Variants in OXR1 observed in about 807,000 individuals in gnomAD.
OXR1 encodes the protein oxidation resistance 1.
A neutral mutation model predicts 104.6 loss-of-function variants in OXR1; 41 were observed. That is an observed-to-expected ratio of 0.39 (90% CI 0.31 to 0.51). The LOEUF (loss-of-function observed/expected upper bound fraction) is 0.51, where lower values mean the gene tolerates loss of function less well. Among genes scored for constraint, OXR1 ranks in the 20% least tolerant of loss-of-function variants. The pLI is 0.77. For synonymous variants in OXR1, 348 were observed against 348.4 expected (o/e 1.00, Z 0.01); for missense variants, 955 against 1,031.9 (o/e 0.93, Z 1.02).
intron 2 of OXR1, among the ~76,000 whole-genome samples, chr8:106,513,939 G>T (rs942097004): frequency 1.3e-5 from 2 of 152,038 alleles, no homozygotes; most frequent in South Asian, 4.1e-4. Context: ...ATGTGCAGAG[G>T]AATAAGATTG....
intron 2 of OXR1, among the ~76,000 whole-genome samples, chr8:106,474,286 T>C (rs1821685590): frequency 6.6e-6 from 1 of 151,754 alleles, no homozygotes; most frequent in Non-Finnish European, 1.5e-5. Flanking sequence ...GGAGGGTTTA[T>C]GGTAATCTAA....
intron 1 of OXR1, among the ~76,000 whole-genome samples, chr8:106,294,412 AAAAG>A (rs1554619229): frequency 3.0e-5 from 4 of 131,472 alleles, no homozygotes; most frequent in East Asian, 4.9e-4. Flanking sequence ...AAAAAAAAAA[AAAAG>A]AAAGAAAGAA....
At chr8:106,661,683 A>G (rs1196239885) in intron 3 of OXR1, among the ~76,000 whole-genome samples, 1 of 152,212 alleles carries the variant, frequency 6.6e-6, no homozygotes, top group African/African-American at 2.4e-5. Flanking sequence ...CTATTATATC[A>G]ACCTCATTTT....
chr8:106,626,013 CAAG>C lies in OXR1; in HGVS notation c.221-53193_221-53191del, dbSNP rs144155228. ...TTTAGAATTAAAAAATATTTTCTAT[CAAG>C]AAGTACTATTGTGCTCTGTTCTGCG... On this transcript the variant is annotated intron_variant, in intron 3 of 16. Transcript: ENST00000517566. Among the ~76,000 whole-genome samples the C allele has an allele frequency of 7.3e-3, 1,098 of 150,286 alleles. 9 individuals carry two copies. The highest frequency in any genetic ancestry group is 9.0e-3 in the Non-Finnish European group (612 of 67,698).
chr8:106,448,030 A>C (rs756908670), intron 2 of OXR1: 2 of 1,535,854 alleles, frequency 1.3e-6, no homozygotes, highest in South Asian at 2.4e-5. Flanking sequence ...GAAATGACGA[A>C]GGACAAAAAC....
At chr8:106,302,302 G>A (rs984030516) in intron 1 of OXR1, among the ~76,000 whole-genome samples, 2 of 152,136 alleles carry the variant, frequency 1.3e-5, no homozygotes, top group African/African-American at 4.8e-5. Context: ...TCAATAATCA[G>A]CCGAGCGCGG....
intron 2 of OXR1, among the ~76,000 whole-genome samples, chr8:106,437,535 C>A (rs1435149926): frequency 6.6e-6 from 1 of 152,038 alleles, no homozygotes; most frequent in Non-Finnish European, 1.5e-5. Flanking sequence ...CAGTACTCTC[C>A]CCTTGGGAGA....
At chr8:106,459,386 G>A (rs1439806108) in intron 2 of OXR1, among the ~76,000 whole-genome samples, 4 of 151,926 alleles carry the variant, frequency 2.6e-5, no homozygotes, top group African/African-American at 9.7e-5. Flanking sequence ...TAAGATGCTG[G>A]CACTGTGATT....
At chr8:106,539,400 G>T (rs888262920) in intron 3 of OXR1, among the ~76,000 whole-genome samples, 1 of 152,158 alleles carries the variant, frequency 6.6e-6, no homozygotes, top group African/African-American at 2.4e-5. Flanking sequence ...TTGTGCTGGG[G>T]AATTGTGTGT....
intron 2 of OXR1, among the ~76,000 whole-genome samples, chr8:106,457,806 G>T (rs1200524634): frequency 6.6e-6 from 1 of 152,146 alleles, no homozygotes; most frequent in Admixed American, 6.5e-5. Context: ...TTACAAAATG[G>T]CAAAGAAGTT....
At chr8:106,591,372 C>T (rs1031278384) in intron 3 of OXR1, among the ~76,000 whole-genome samples, 3 of 146,880 alleles carry the variant, frequency 2.0e-5, no homozygotes, top group Non-Finnish European at 4.5e-5. Flanking sequence ...TGCAGCACAC[C>T]AACATGGCAC....
intron 1 of OXR1, among the ~76,000 whole-genome samples, chr8:106,308,864 T>A (rs1007517662): frequency 6.6e-6 from 1 of 152,214 alleles, no homozygotes; most frequent in Non-Finnish European, 1.5e-5. Context: ...ATTTTATAAA[T>A]TGTTGGCAAA....
chr8:106,288,528 GTA>G (rs1360945254), intron 1 of OXR1, among the ~76,000 whole-genome samples: 4 of 89,094 alleles, frequency 4.5e-5, no homozygotes, highest in Non-Finnish European at 8.0e-5. Context: ...ATATATATAT[GTA>G]TGTGTGTGTG....
intron 9 of OXR1, among the ~76,000 whole-genome samples, chr8:106,709,961 T>C (rs1264332019): frequency 6.6e-6 from 1 of 152,114 alleles, no homozygotes; most frequent in African/African-American, 2.4e-5. Context: ...GTCTCCTGAC[T>C]ATAAGTGCTA....
chr8:106,594,059 A>G (rs1415185808), intron 3 of OXR1, among the ~76,000 whole-genome samples: 2 of 152,258 alleles, frequency 1.3e-5, no homozygotes, highest in African/African-American at 2.4e-5. Flanking sequence ...GCAGTGCACC[A>G]CAGTCTATGA....
At chr8:106,693,180 G>A (rs977058927) in intron 7 of OXR1, among the ~76,000 whole-genome samples, 2 of 152,110 alleles carry the variant, frequency 1.3e-5, no homozygotes, top group South Asian at 4.1e-4. Flanking sequence ...ACTGTGTGGA[G>A]TGTGAACTTC....
chr8:106,424,401 A>C (rs949069243), intron 2 of OXR1, among the ~76,000 whole-genome samples: 1 of 152,102 alleles, frequency 6.6e-6, no homozygotes, highest in African/African-American at 2.4e-5. Context: ...ACTTTTTCCT[A>C]CTAAAATATA....
At chr8:106,327,495 A>G (rs1259842079) in intron 1 of OXR1, among the ~76,000 whole-genome samples, 1 of 152,184 alleles carries the variant, frequency 6.6e-6, no homozygotes, top group African/African-American at 2.4e-5. Flanking sequence ...CAAAATACTT[A>G]ACAAATGAGA....
chr8:106,476,129 T>C (rs1038010732), intron 2 of OXR1, among the ~76,000 whole-genome samples: 8 of 151,826 alleles, frequency 5.3e-5, no homozygotes, highest in Non-Finnish European at 1.5e-5. Flanking sequence ...TGACAACTCT[T>C]TCCATAGAGT....
Sources: allele counts gnomAD v4.1 joint callset (sites outside exome capture counted in the v4.1 genomes callset), GRCh38; gene constraint gnomAD v4.1.1; transcripts MANE v1.5; gene names NCBI Gene and HGNC (gene_info 2026-07-23, HGNC 2026-07-21).